RPL36A: variants seen among roughly 807,000 people sequenced by gnomAD.
The protein encoded by RPL36A is ribosomal protein L36a.
For synonymous variants in RPL36A, 25 were observed against 28.5 expected (o/e 0.88, Z 0.39); for missense variants, 20 against 81.0 (o/e 0.25, Z 2.89).
intron 3 of RPL36A, among the ~76,000 whole-genome samples, chrX:101,394,601 C>T (rs1555983987): frequency 9.5e-6 from 1 of 105,322 alleles, no homozygotes; most frequent in Admixed American, 1.1e-4. Context: ...AGATGAGTTG[C>T]CCATTTGATA....
intron 2 of RPL36A, 77 bp from the exon 3 acceptor site, chrX:101,391,678 C>T: frequency 8.4e-6 from 10 of 1,196,141 alleles, no homozygotes; most frequent in Non-Finnish European, 9.0e-6. Flanking sequence ...ATTTCTGCTG[C>T]GAAATTAAGA....
At position 101,395,296 on chromosome X, in the gene RPL36A, G is replaced by A. The variant is rs782814916; in HGVS notation, c.178-39G>A. On this transcript the variant is annotated intron_variant, in intron 3 of 4. Transcript: ENST00000553110. ...TCATTTTTGAAGAAAGTGATCTTCT[G>A]TAGTTATTTATTAAGGCTTTAATTT... The A allele has an allele frequency of 2.6e-6, 3 of 1,142,406 alleles. No individual in the cohort carries two copies. In the African/African-American group the frequency reaches 5.6e-5, roughly 21 times the overall value. The allele number at this position is 1,142,406 out of a possible 1,213,427, so 94.1% of individuals were successfully genotyped here. A position where few individuals can be genotyped will look rare whatever the true frequency, so the allele number is the denominator to read the frequency against.
rs1928016835 is a variant in RPL36A at position 101,396,090 on chromosome X, A to AGC, written c.*342_*343insGC. The AGC allele has an allele frequency of 9.3e-6, 2 of 214,657 alleles. No individual in the cohort carries two copies. Among genetic ancestry groups the AGC allele is most frequent in the Non-Finnish European group, 1.7e-5 (2 of 119,862 alleles). The allele number at this position is 214,657 out of a possible 1,213,427, so 17.7% of individuals were successfully genotyped here. A position where few individuals can be genotyped will look rare whatever the true frequency, so the allele number is the denominator to read the frequency against. On this transcript the variant is annotated 3_prime_UTR_variant, in exon 5 of 5. Transcript: ENST00000553110. ...ATAGTGAATATGAGATGTCTTTGCT[A>AGC]AGAGTTAAGTGTCAGATCTTTGTTA...
chrX:101,393,017 G>A (rs956915417), intron 3 of RPL36A: 17 of 105,166 alleles, frequency 1.6e-4, no homozygotes, highest in African/African-American at 5.6e-4. Flanking sequence ...GGGAGGCTGA[G>A]GCAGGAGAAT....
chrX:101,394,522 C>T (rs1361598308), intron 3 of RPL36A, among the ~76,000 whole-genome samples: 1 of 106,247 alleles, frequency 9.4e-6, no homozygotes, highest in Non-Finnish European at 1.9e-5. Flanking sequence ...GATCCTGCCT[C>T]AGCCTCACAA....
chrX:101,391,906 T>C (rs1437847471), intron 3 of RPL36A, 84 bp downstream of exon 3: 17 of 1,191,453 alleles, frequency 1.4e-5, no homozygotes, highest in East Asian at 6.0e-5. Context: ...CTTCATGATA[T>C]AGGTATAGCG....
rs782098140 is a variant in RPL36A, at chrX:101,391,901, T to C, written c.177+79T>C. ...ACTTGTCTCTAGTCCACACACTTCA[T>C]GATATAGGTATAGCGTTAGTTTAGC... On this transcript the variant is annotated intron_variant, in intron 3 of 4. Coordinates refer to ENST00000553110, the MANE Select transcript of RPL36A (RefSeq NM_021029.6). 5.9e-6 allele frequency: 7 copies of C among 1,192,589 alleles called. No individual in the cohort carries two copies. The African/African-American group carries it at 7.1e-5, about 12-fold the overall frequency.
intron 3 of RPL36A, chrX:101,392,376 G>A: frequency 1.2e-6 from 1 of 829,102 alleles, no homozygotes; most frequent in Non-Finnish European, 1.5e-6. Context: ...CACGATGATT[G>A]GAACGGAGCA....
intron 1 of RPL36A, 37 bp from the exon 2 acceptor site, chrX:101,391,422 A>C (rs782309344): frequency 8.3e-7 from 1 of 1,202,019 alleles, no homozygotes; most frequent in African/African-American, 1.8e-5. Flanking sequence ...CATTGTGGTC[A>C]AATAACATTG....
intron 1 of RPL36A, 145 bp downstream of exon 1, chrX:101,391,191 G>C: frequency 1.4e-6 from 1 of 723,980 alleles, no homozygotes; most frequent in Non-Finnish European, 2.1e-6. Flanking sequence ...AACCCTAAAG[G>C]GACCGGGCTA....
intron 3 of RPL36A, chrX:101,392,698 G>C: frequency 3.0e-6 from 2 of 661,292 alleles, no homozygotes; most frequent in South Asian, 1.6e-4. Flanking sequence ...CCCACTGCTG[G>C]GTATATACCC....
chrX:101,392,438 C>T, intron 3 of RPL36A: 5 of 784,352 alleles, frequency 6.4e-6, no homozygotes, highest in African/African-American at 2.2e-5. Context: ...TGCAGTTTAG[C>T]TCCAGAAAGT....
At chrX:101,395,653 A>T in intron 4 of RPL36A, 75 bp from the exon 5 acceptor site, 1 of 1,141,338 alleles carries the variant, frequency 8.8e-7, no homozygotes. Context: ...TGAGTATTTT[A>T]GGAACAGATA....
At chrX:101,391,643 C>T (rs1555983439) in intron 2 of RPL36A, 79 bp downstream of exon 2, 2 of 1,193,256 alleles carry the variant, frequency 1.7e-6, no homozygotes. Context: ...GTCTCTCTCC[C>T]TCCACGCCTG....
At chrX:101,391,159 G>A (rs1226387760) in intron 1 of RPL36A, 113 bp downstream of exon 1, 7 of 880,505 alleles carry the variant, frequency 7.9e-6, no homozygotes, top group Admixed American at 2.4e-5. Context: ...ATATATCAGA[G>A]CAACCCAATC....
intron 1 of RPL36A, 193 bp from the exon 2 acceptor site, chrX:101,391,266 G>A (rs1927788766): frequency 1.7e-6 from 1 of 594,408 alleles, no homozygotes; most frequent in Non-Finnish European, 2.7e-6. Flanking sequence ...AGTTAATGAG[G>A]TCTCTTCCCT....
intron 3 of RPL36A, chrX:101,392,399 C>T: frequency 1.3e-6 from 1 of 798,493 alleles, no homozygotes; most frequent in Non-Finnish European, 1.5e-6. Flanking sequence ...CTCTCCAACA[C>T]AGCATTTCTT....
chrX:101,392,240 TAA>T, intron 3 of RPL36A: 7 of 921,472 alleles, frequency 7.6e-6, no homozygotes, highest in Non-Finnish European at 9.6e-6. Flanking sequence ...CGTGAAGTCT[TAA>T]AACTCTTATA....
intron 3 of RPL36A, chrX:101,392,517 G>A: frequency 1.3e-6 from 1 of 755,809 alleles, no homozygotes; most frequent in Non-Finnish European, 1.6e-6. Flanking sequence ...CAAAAAGAAT[G>A]CTTTTTTTAT....
Sources: gnomAD v4.1 joint callset for allele counts (sites outside exome capture counted in the v4.1 genomes callset) on GRCh38, gnomAD v4.1.1 for gene constraint, MANE v1.5 for transcripts, NCBI Gene and HGNC (gene_info 2026-07-23, HGNC 2026-07-21) for gene names.